ZEB1: variants seen among roughly 807,000 people sequenced by gnomAD.
The protein encoded by ZEB1 is zinc finger E-box-binding homeobox 1.
In ZEB1, 21 loss-of-function variants were observed where a neutral mutation model predicts 84.9. The observed-to-expected ratio is 0.25, with a 90% CI of 0.18 to 0.36. The LOEUF (loss-of-function observed/expected upper bound fraction) is 0.36, where lower values mean the gene tolerates loss of function less well. ZEB1 is among the 10% of genes least tolerant of loss of function. ZEB1 has a pLI of 1.00. For synonymous variants in ZEB1, 420 were observed against 471.1 expected (o/e 0.89, Z 1.41); for missense variants, 1,104 against 1,330.2 (o/e 0.83, Z 2.65).
Position 31,520,909 on chromosome 10 carries a change from G to A in ZEB1, c.1577G>A (p.Gly526Glu). ...KSEKDKSFEG[G>E]VNDSTCLLCD... The stretch of plus-strand genomic sequence containing the variant: ...GAGAAGGACAAAAGCTTTGAAGGGG[G>A]GGTGAATGATAGCACTTGTCTTCTG... The change falls in exon 7 of 9, where the codon GGG becomes GAG. Residue 526 changes from glycine to glutamate, a missense_variant. By Grantham distance (98) the Gly-to-Glu change is moderately conservative. Coordinates refer to ENST00000424869, the MANE Select transcript of ZEB1 (RefSeq NM_001174096.2). This position sits in a 1 kb window ranked among gnomAD's most constrained non-coding sequence, Gnocchi z 5.1. 5.6e-6 allele frequency: 9 copies of A among 1,614,056 alleles called. No homozygotes were observed. The highest frequency in any genetic ancestry group is 7.6e-6 in the Non-Finnish European group (9 of 1,179,994).
chr10:31,411,750 A>G (rs1413284227), intron 1 of ZEB1, among the ~76,000 whole-genome samples: 8 of 151,134 alleles, frequency 5.3e-5, no homozygotes, highest in Admixed American at 5.3e-4. Flanking sequence ...ACCCTAACCT[A>G]GGCTCTTTTT....
chr10:31,525,923 C>T (rs1226124700), intron 8 of ZEB1, among the ~76,000 whole-genome samples: 2 of 152,210 alleles, frequency 1.3e-5, no homozygotes, highest in Admixed American at 1.3e-4. Context: ...AAAAACTACA[C>T]TATTTCTAAA....
At position 31,521,268 on chromosome 10, in the gene ZEB1, T is replaced by C. The variant is rs961815962; in HGVS notation, c.1936T>C (p.Ser646Pro). ...GATTTCAGTGCAGTCTTCTGAACCATCTTCTCCTGAACCAGGCAAAGTAAA... is the reference window on the plus strand; with the variant it reads ...GATTTCAGTGCAGTCTTCTGAACCACCTTCTCCTGAACCAGGCAAAGTAAA... ...GQISVQSSEP[S>P]SPEPGKVNIP... Residue 646 changes from serine to proline, a missense_variant, in exon 7 of 9, where the codon TCT (serine) becomes CCT (proline). Transcript: ENST00000424869. 1.2e-6 allele frequency: 2 copies of C among 1,614,084 alleles called. No homozygotes were observed. Among genetic ancestry groups the C allele is most frequent in the Admixed American group, 3.3e-5 (2 of 59,998 alleles).
intron 1 of ZEB1, among the ~76,000 whole-genome samples, chr10:31,417,390 G>C (rs1243261098): frequency 6.6e-6 from 1 of 152,048 alleles, no homozygotes; most frequent in Non-Finnish European, 1.5e-5. Flanking sequence ...GGTTTAGGTT[G>C]GTGTAGTCAT....
intron 1 of ZEB1, among the ~76,000 whole-genome samples, chr10:31,394,370 G>A (rs1369068878): frequency 2.6e-5 from 4 of 152,108 alleles, no homozygotes; most frequent in African/African-American, 4.8e-5. Flanking sequence ...AGACATTGAC[G>A]CTCAGATTTT....
chr10:31,398,135 A>G (rs2051173480), intron 1 of ZEB1, among the ~76,000 whole-genome samples: 1 of 152,218 alleles, frequency 6.6e-6, no homozygotes, highest in African/African-American at 2.4e-5. Flanking sequence ...ACCACAATTC[A>G]GATCAAGAAA....
chr10:31,424,060 A>G (rs918903711), intron 1 of ZEB1, among the ~76,000 whole-genome samples: 1 of 151,866 alleles, frequency 6.6e-6, no homozygotes, highest in Admixed American at 6.6e-5. Context: ...AGCCAACCCC[A>G]TTTACCCCAT....
At chr10:31,344,366 GTCAAC>G (rs1394035962) in intron 1 of ZEB1, among the ~76,000 whole-genome samples, 2 of 151,860 alleles carry the variant, frequency 1.3e-5, no homozygotes, top group East Asian at 3.8e-4. Flanking sequence ...TTGACAATTT[GTCAAC>G]TCAAGTATAA....
intron 8 of ZEB1, among the ~76,000 whole-genome samples, chr10:31,525,441 G>A (rs1359301671): frequency 6.6e-6 from 1 of 152,184 alleles, no homozygotes; most frequent in African/African-American, 2.4e-5. Context: ...GAGCTTGAAT[G>A]TGATGTCAGC....
intron 2 of ZEB1, among the ~76,000 whole-genome samples, chr10:31,479,539 A>G (rs2064764247): frequency 1.3e-5 from 2 of 151,922 alleles, no homozygotes; most frequent in African/African-American, 4.8e-5. Context: ...AATTTAAAAT[A>G]TCATACACCA....
At chr10:31,445,807 A>T (rs1176404897) in intron 1 of ZEB1, among the ~76,000 whole-genome samples, 2 of 105,776 alleles carry the variant, frequency 1.9e-5, no homozygotes, top group African/African-American at 3.8e-5. Context: ...GTGCTGCTGG[A>T]TTCGGTTTGC....
chr10:31,360,706 G>T (rs1031280817), intron 1 of ZEB1, among the ~76,000 whole-genome samples: 2 of 152,188 alleles, frequency 1.3e-5, no homozygotes, highest in Non-Finnish European at 2.9e-5. Flanking sequence ...TTTTTTATCC[G>T]AGTCTAATCA....
chr10:31,452,742 T>TGAGAGA (rs35403055), intron 1 of ZEB1, among the ~76,000 whole-genome samples: 80 of 90,798 alleles, frequency 8.8e-4, no homozygotes, highest in Admixed American at 1.5e-3. Flanking sequence ...TGTGTGTGTG[T>TGAGAGA]GAGAGAGAGA....
intron 4 of ZEB1, among the ~76,000 whole-genome samples, chr10:31,505,744 A>G (rs937587095): frequency 1.3e-4 from 20 of 151,600 alleles, no homozygotes; most frequent in African/African-American, 4.1e-4. Context: ...TCTTCATTTC[A>G]TTGATTTTGT....
At chr10:31,387,236 C>T in intron 1 of ZEB1, 1 of 985,780 alleles carries the variant, frequency 1.0e-6, no homozygotes, top group African/African-American at 1.7e-5. Context: ...AGAACTTGAT[C>T]AGTTTGTGTC....
At chr10:31,347,009 G>A (rs1248037365) in intron 1 of ZEB1, among the ~76,000 whole-genome samples, 1 of 152,074 alleles carries the variant, frequency 6.6e-6, no homozygotes, top group East Asian at 1.9e-4. Flanking sequence ...AAAAACACTT[G>A]GAAGATATTT....
At chr10:31,511,881 T>A (rs750193969) in intron 5 of ZEB1, among the ~76,000 whole-genome samples, 25 of 152,152 alleles carry the variant, frequency 1.6e-4, no homozygotes, top group Non-Finnish European at 2.9e-5. Flanking sequence ...ATTTCCTTAG[T>A]ACTTTGGCAA....
At position 31,521,210 on chromosome 10, in the gene ZEB1, A is replaced by G. The variant is rs142143222; in HGVS notation, c.1878A>G (p.Val626=). 4.5e-5 allele frequency: 72 copies of G among 1,614,086 alleles called. 1 individual carries two copies. In the African/African-American group the frequency reaches 8.7e-4, roughly 19 times the overall value. Residue 626 remains valine, a synonymous_variant, in exon 7 of 9, where the codon GTA becomes GTG. Transcript: ENST00000424869. ...ADSVNLPLDV[V]KKWFEKMQAG... is the part of the protein sequence containing the mutation. Reference sequence around the variant, plus strand: ...CAGTAAACCTACCACTGGATGTAGTAAAAAAGTGGTTTGAAAAGATGCAAG... The same window carrying G: ...CAGTAAACCTACCACTGGATGTAGTGAAAAAGTGGTTTGAAAAGATGCAAG...
At chr10:31,515,504 T>A (rs1283666951) in intron 6 of ZEB1, among the ~76,000 whole-genome samples, 2 of 152,100 alleles carry the variant, frequency 1.3e-5, no homozygotes, top group African/African-American at 2.4e-5. Flanking sequence ...AAATTATGGG[T>A]TTTCACACAT....
Sources: gnomAD v4.1 joint callset for allele counts (sites outside exome capture counted in the v4.1 genomes callset) on GRCh38, gnomAD v4.1.1 for gene constraint, Gnocchi (gnomAD v3.1) non-coding constraint, MANE v1.5 for transcripts, NCBI Gene and HGNC (gene_info 2026-07-23, HGNC 2026-07-21) for gene names.